ATF7: variants seen among roughly 807,000 people sequenced by gnomAD.
ATF7 encodes the protein cyclic AMP-dependent transcription factor ATF-7.
Under a neutral mutation model 50.4 loss-of-function variants are expected in ATF7, and 10 were observed. The ratio of observed to expected loss-of-function variants is 0.20; its 90% CI spans 0.12 to 0.34. ATF7 has a LOEUF of 0.34. Ranked by LOEUF, ATF7 falls within the 10% of genes least tolerant of loss-of-function variation. ATF7 has a pLI of 1.00. For missense variants in ATF7, 465 were observed against 613.9 expected, an observed-to-expected ratio of 0.76 and a Z score of 2.56; for synonymous variants, 201 against 226.4, an observed-to-expected ratio of 0.89 and a Z score of 1.01.
At chr12:53,546,757 CTTT>C (rs979025251) in intron 3 of ATF7, among the ~76,000 whole-genome samples, 1 of 144,228 alleles carries the variant, frequency 6.9e-6, no homozygotes, top group Admixed American at 7.0e-5. Context: ...GCCTCTTTTT[CTTT>C]TTTTTTTCTT....
intron 1 of ATF7, among the ~76,000 whole-genome samples, chr12:53,608,484 CT>C (rs1943709980): frequency 6.6e-6 from 1 of 152,102 alleles, no homozygotes; most frequent in South Asian, 2.1e-4. Context: ...ATAGCTCCTC[CT>C]TTTGTTACCT....
intron 11 of ATF7, 147 bp downstream of exon 11, chr12:53,523,129 G>T: frequency 3.3e-6 from 2 of 604,082 alleles, no homozygotes; most frequent in South Asian, 2.1e-5. Context: ...TTTTTTCTAG[G>T]TCTGGTTGCT....
At chr12:53,587,820 C>CATATATATATATATATATGTAT (rs1555222101) in intron 2 of ATF7, among the ~76,000 whole-genome samples, 4 of 67,042 alleles carry the variant, frequency 6.0e-5, no homozygotes, top group African/African-American at 1.7e-4. Context: ...TATACTTCTA[C>CATATATATATATATATATGTAT]ATATATATAT....
chr12:53,550,748 C>A (rs138214239), intron 3 of ATF7, among the ~76,000 whole-genome samples: 94 of 152,262 alleles, frequency 6.2e-4, no homozygotes, highest in African/African-American at 2.2e-3. Flanking sequence ...ATATGACACA[C>A]CAGGTCTTAA....
At chr12:53,527,167 A>T (rs1471705494) in intron 9 of ATF7, among the ~76,000 whole-genome samples, 2 of 150,926 alleles carry the variant, frequency 1.3e-5, no homozygotes, top group African/African-American at 4.9e-5. Context: ...TCAAAAAAAT[A>T]AAATAAAATA....
At chr12:53,527,640 T>C (rs1304454300) in intron 9 of ATF7, among the ~76,000 whole-genome samples, 1 of 151,738 alleles carries the variant, frequency 6.6e-6, no homozygotes, top group African/African-American at 2.4e-5. Flanking sequence ...AAAAATCAGC[T>C]GGGCGTGGTG....
At chr12:53,582,489 A>G (rs1034184778) in intron 2 of ATF7, among the ~76,000 whole-genome samples, 2 of 151,780 alleles carry the variant, frequency 1.3e-5, no homozygotes, top group African/African-American at 4.9e-5. Flanking sequence ...CCCCCGCCCC[A>G]AAAAGAAAAA....
At chr12:53,556,589 C>T (rs569899271) in intron 2 of ATF7, among the ~76,000 whole-genome samples, 24 of 152,184 alleles carry the variant, frequency 1.6e-4, no homozygotes, top group Non-Finnish European at 2.5e-4. Flanking sequence ...AAGAGCAAGA[C>T]TCCATCTCAA....
chr12:53,578,147 T>C (rs1265522804), intron 2 of ATF7, among the ~76,000 whole-genome samples: 1 of 152,136 alleles, frequency 6.6e-6, no homozygotes, highest in Non-Finnish European at 1.5e-5. Flanking sequence ...GCACGGCAGA[T>C]GGATTGCTTG....
rs1179277784 is a variant in ATF7 at position 53,513,605 on chromosome 12, G to C, written c.*3532C>G. On this transcript the variant is annotated 3_prime_UTR_variant, in exon 12 of 12. Transcript: ENST00000420353. ...GGTTATGAAATTTAAAAAAAATAAT[G>C]TATTTCCTTCCTGTGTATATAATGT... 6.6e-6 allele frequency: 1 copy of C among 152,078 alleles called. No homozygotes were observed. The highest frequency in any genetic ancestry group is 1.5e-5 in the Non-Finnish European group (1 of 68,016). 9.4% of individuals were successfully genotyped at this position (152,078 alleles called of 1,614,324 possible).
Position 53,513,283 on chromosome 12 carries a change from C to T in ATF7, c.*3854G>A, listed in dbSNP as rs11170566. ...GGTAATGGTGGCCAGCAGCCACCTA[C>T]GCTCATTCCTGCTAGGTAACCACCT... On this transcript the variant is annotated 3_prime_UTR_variant, in exon 12 of 12. Transcript: ENST00000420353. 18,042 of 152,212 alleles carry T rather than the reference C, an allele frequency of 0.12. 1,206 individuals are homozygous for T. Among genetic ancestry groups the T allele is most frequent in the Non-Finnish European group, 0.16 (10,680 of 68,006 alleles). The allele number at this position is 152,212 out of a possible 1,614,324, so 9.4% of individuals were successfully genotyped here.
chr12:53,621,629 A>C (rs973397490), intron 1 of ATF7, among the ~76,000 whole-genome samples: 2 of 148,302 alleles, frequency 1.3e-5, no homozygotes, highest in Non-Finnish European at 3.0e-5. Context: ...TAAAAATACA[A>C]AAAAAAAAAA....
At chr12:53,603,734 A>C (rs1356218787) in intron 1 of ATF7, among the ~76,000 whole-genome samples, 1 of 152,094 alleles carries the variant, frequency 6.6e-6, no homozygotes, top group African/African-American at 2.4e-5. Context: ...TAAAAAAAAA[A>C]ACACAGCTAA....
At chr12:53,564,756 A>T (rs1456755855) in intron 2 of ATF7, among the ~76,000 whole-genome samples, 1 of 152,212 alleles carries the variant, frequency 6.6e-6, no homozygotes, top group Admixed American at 6.5e-5. Context: ...TTTAATAGCA[A>T]TGCATTATTA....
intron 2 of ATF7, among the ~76,000 whole-genome samples, chr12:53,585,054 C>A (rs1299699390): frequency 6.6e-6 from 1 of 152,110 alleles, no homozygotes; most frequent in African/African-American, 2.4e-5. Flanking sequence ...CTCACTGCAG[C>A]CTTGACCTCC....
chr12:53,552,088 A>G lies in ATF7; in HGVS notation c.145+453T>C, dbSNP rs181536527. ...CAATGGTGTCTGGGTTCACAAGGGAAGTTGAATTTATGAACTGACAATCTG... is the reference window on the plus strand; with the variant it reads ...CAATGGTGTCTGGGTTCACAAGGGAGGTTGAATTTATGAACTGACAATCTG... On this transcript the variant is annotated intron_variant, in intron 3 of 11. Coordinates refer to ENST00000420353, the MANE Select transcript of ATF7 (RefSeq NM_006856.3). Among the ~76,000 whole-genome samples, 471 of 152,314 alleles carry G rather than the reference A, an allele frequency of 3.1e-3. 3 individuals carry two copies. Among genetic ancestry groups the G allele is most frequent in the African/African-American group, 0.011 (453 of 41,566 alleles).
chr12:53,568,392 G>GCA (rs199951115), intron 2 of ATF7, among the ~76,000 whole-genome samples: 3,202 of 151,976 alleles, frequency 0.021, 112 homozygotes, highest in African/African-American at 0.073. Context: ...AGGAGATTAC[G>GCA]CACACACACT....
intron 2 of ATF7, among the ~76,000 whole-genome samples, chr12:53,561,445 G>A: frequency 6.6e-6 from 1 of 150,626 alleles, no homozygotes; most frequent in East Asian, 1.9e-4. Context: ...TCTTTTTTTT[G>A]AACACTATTT....
chr12:53,538,595 A>G (rs1939359020), intron 4 of ATF7, among the ~76,000 whole-genome samples: 3 of 152,294 alleles, frequency 2.0e-5, no homozygotes, highest in East Asian at 3.9e-4. Context: ...ACAATAAACC[A>G]TCTGAGATAA....
Sources: gnomAD v4.1 joint callset for allele counts (sites outside exome capture counted in the v4.1 genomes callset) on GRCh38, gnomAD v4.1.1 for gene constraint, MANE v1.5 for transcripts, NCBI Gene and HGNC (gene_info 2026-07-23, HGNC 2026-07-21) for gene names.